Variants in SH3BP4 observed in about 807,000 individuals in gnomAD.
SH3BP4 encodes the protein SH3 domain binding protein 4, also known as SH3 domain-binding protein 4.
A neutral mutation model predicts 65.5 loss-of-function variants in SH3BP4; 33 were observed. The observed-to-expected ratio is 0.50, with a 90% CI of 0.38 to 0.67. The LOEUF is 0.67. SH3BP4 is among the 30% of genes least tolerant of loss of function. The pLI, the probability that SH3BP4 is intolerant of heterozygous loss-of-function variation, is 0.00. For missense variants in SH3BP4, 1,134 were observed against 1,261.4 expected (o/e 0.90, Z 1.53); for synonymous variants, 552 against 545.5 (o/e 1.01, Z -0.17).
At chr2:234,955,703 A>G (rs927272864) in intron 1 of SH3BP4, among the ~76,000 whole-genome samples, 1 of 152,286 alleles carries the variant, frequency 6.6e-6, no homozygotes, top group African/African-American at 2.4e-5. Flanking sequence ...GGATTTGAGG[A>G]AGTAGAATTG....
chr2:234,971,625 C>T (rs13003167), intron 1 of SH3BP4, among the ~76,000 whole-genome samples: 6,643 of 152,222 alleles, frequency 0.044, 191 homozygotes, highest in Middle Eastern at 0.078. Flanking sequence ...ACAAGGGTTC[C>T]GGTTCCTTCA....
intron 1 of SH3BP4, among the ~76,000 whole-genome samples, chr2:234,989,258 C>G (rs1466233826): frequency 5.3e-5 from 8 of 152,214 alleles, no homozygotes; most frequent in African/African-American, 1.2e-4. Flanking sequence ...GATGGCGTCA[C>G]TGTGCTGCCA....
chr2:234,975,031 A>G (rs1693128413), intron 1 of SH3BP4, among the ~76,000 whole-genome samples: 1 of 152,152 alleles, frequency 6.6e-6, no homozygotes, highest in Non-Finnish European at 1.5e-5. Context: ...CTGCCTTGCA[A>G]TTCTCGGAGT....
At position 234,991,581 on chromosome 2, in the gene SH3BP4, C is replaced by T. The variant is rs1693748453; in HGVS notation, c.-206-3722C>T. Among the ~76,000 whole-genome samples the T allele has an allele frequency of 6.6e-6, 1 of 152,206 alleles. No homozygotes were observed. The highest frequency in any genetic ancestry group is 6.5e-5 in the Admixed American group (1 of 15,276). On this transcript the variant is annotated intron_variant, in intron 1 of 5. Coordinates refer to ENST00000392011, the MANE Select transcript of SH3BP4 (RefSeq NM_014521.3). This position sits in a 1 kb window ranked among gnomAD's most constrained non-coding sequence, Gnocchi z 4.2. ...GCTAATTCCATCCACCCACGCTAAA[C>T]CGTGTGGTTTTCTTGGGGCCCCTGA...
In SH3BP4 at chr2:235,041,790, G is replaced by A. The variant is rs370532112; in HGVS notation, c.1021G>A (p.Val341Met). Residue 341 changes from valine to methionine, a missense_variant, in exon 4 of 6, where the codon GTG (valine) becomes ATG (methionine). Physicochemically the swap from Val to Met is conservative, Grantham distance 21 (BLOSUM62 1). Transcript: ENST00000392011. This position sits in a 1 kb window ranked among gnomAD's most constrained non-coding sequence, Gnocchi z 6.0. ...TCCTGACACCAGCATCAGCATCCACGTGCCCGAGGGCCACGTCGCCCCTGG... is the reference window on the plus strand; with the variant it reads ...TCCTGACACCAGCATCAGCATCCACATGCCCGAGGGCCACGTCGCCCCTGG... ...QLPDTSISIH[V>M]PEGHVAPGET... is the part of the protein sequence containing the mutation. 6.9e-6 allele frequency: 11 copies of A among 1,595,086 alleles called. No homozygotes were observed. In the East Asian group the frequency reaches 9.0e-5, roughly 13 times the overall value.
At chr2:235,012,562 AC>A (rs1694545957) in intron 2 of SH3BP4, among the ~76,000 whole-genome samples, 3 of 152,088 alleles carry the variant, frequency 2.0e-5, no homozygotes. Flanking sequence ...CTGCCGGGTG[AC>A]CTGTGTGCCT....
At position 234,952,747 on chromosome 2, in the gene SH3BP4, GGTTT is replaced by G. The variant is rs1692501849; in HGVS notation, c.-207+578_-207+581del. 1 of 152,224 alleles carries G rather than the reference GGTTT, an allele frequency of 6.6e-6. No homozygotes were observed. The highest frequency in any genetic ancestry group is 2.1e-4 in the South Asian group (1 of 4,834). 9.4% of individuals were successfully genotyped at this position (152,224 alleles called of 1,614,324 possible). ...CTGTGAGGATGAAATTGAAAACTCC[GGTTT>G]CTGGCTTGGCGATCGGGTGACCGAG... On this transcript the variant is annotated intron_variant, in intron 1 of 5. Transcript: ENST00000392011. The surrounding 1 kb of genome is among the most constrained non-coding windows in gnomAD (Gnocchi z 6.5).
intron 1 of SH3BP4, among the ~76,000 whole-genome samples, chr2:234,983,886 C>T (rs1693466312): frequency 6.6e-6 from 1 of 152,262 alleles, no homozygotes; most frequent in African/African-American, 2.4e-5. Context: ...GCCCTGTCGT[C>T]AGCCCAGTGG....
chr2:235,029,052 C>T lies in SH3BP4; in HGVS notation c.-132-5819C>T, dbSNP rs113271205. On this transcript the variant is annotated intron_variant, in intron 2 of 5. Transcript: ENST00000392011. ...GTCTGACTGACTTTTCAAAATGTTCCGGCTGCTAATTGAGGGGTGGACTCC... is the reference window on the plus strand; with the variant it reads ...GTCTGACTGACTTTTCAAAATGTTCTGGCTGCTAATTGAGGGGTGGACTCC... Among the ~76,000 whole-genome samples the T allele has an allele frequency of 9.7e-3, 1,473 of 152,270 alleles. 23 individuals are homozygous for T. The highest frequency in any genetic ancestry group is 0.033 in the African/African-American group (1,372 of 41,560).
At chr2:235,027,278 G>T (rs1170394882) in intron 2 of SH3BP4, among the ~76,000 whole-genome samples, 1 of 152,384 alleles carries the variant, frequency 6.6e-6, no homozygotes, top group East Asian at 1.9e-4. Flanking sequence ...GGAGGCTGGG[G>T]TGTTAACCCC....
Position 235,038,377 on chromosome 2 carries a change from AT to A in SH3BP4, c.119-2510del, listed in dbSNP as rs1381108230. ...ATATATATATATATAATATATATAC[AT>A]ATATATATATATATATATATATATA... On this transcript the variant is annotated intron_variant, in intron 3 of 5. Transcript: ENST00000392011. Among the ~76,000 whole-genome samples, 33 of 15,742 alleles carry A rather than the reference AT, an allele frequency of 2.1e-3. 3 individuals carry two copies. Among genetic ancestry groups the A allele is most frequent in the Non-Finnish European group, 3.4e-3 (30 of 8,722 alleles). 10.3% of individuals were successfully genotyped at this position (15,742 alleles called of 152,430 possible).
chr2:235,025,221 T>C (rs1301509479), intron 2 of SH3BP4, among the ~76,000 whole-genome samples: 2 of 152,228 alleles, frequency 1.3e-5, no homozygotes, highest in African/African-American at 4.8e-5. Context: ...GTCTGTGAGC[T>C]CTTCATGATT....
At chr2:234,999,032 C>T (rs1214702928) in intron 2 of SH3BP4, among the ~76,000 whole-genome samples, 1 of 152,186 alleles carries the variant, frequency 6.6e-6, no homozygotes, top group African/African-American at 2.4e-5. Context: ...TCTCTCCAAG[C>T]CTCTGCATTC....
At position 235,033,486 on chromosome 2, in the gene SH3BP4, C is replaced by T; in HGVS notation, c.-132-1385C>T. The stretch of plus-strand genomic sequence containing the variant: ...GGGAAACACAGTTCAGTCCGTAACA[C>T]ATGCCTTCTCTCCAGACAGCGTTCA... On this transcript the variant is annotated intron_variant, in intron 2 of 5. Transcript: ENST00000392011. This position sits in a 1 kb window ranked among gnomAD's most constrained non-coding sequence, Gnocchi z 5.7. 6.6e-6 allele frequency among the ~76,000 whole-genome samples: 1 copy of T among 152,240 alleles called. No individual in the cohort carries two copies. Among genetic ancestry groups the T allele is most frequent in the African/African-American group, 2.4e-5 (1 of 41,456 alleles).
intron 2 of SH3BP4, among the ~76,000 whole-genome samples, chr2:235,004,664 G>C (rs1399621617): frequency 6.6e-6 from 1 of 152,112 alleles, no homozygotes; most frequent in Non-Finnish European, 1.5e-5. Flanking sequence ...TTTCACTGCA[G>C]ACTGTTTCCA....
chr2:235,010,156 C>T (rs1694432217), intron 2 of SH3BP4, among the ~76,000 whole-genome samples: 1 of 152,114 alleles, frequency 6.6e-6, no homozygotes, highest in Admixed American at 6.6e-5. Context: ...GTGCACACGG[C>T]CCCTATGGCT....
At chr2:235,039,382 A>T (rs1275297994) in intron 3 of SH3BP4, among the ~76,000 whole-genome samples, 1 of 152,100 alleles carries the variant, frequency 6.6e-6, no homozygotes, top group African/African-American at 2.4e-5. Flanking sequence ...GGGCAATTTG[A>T]TAGAATACGA....
intron 2 of SH3BP4, among the ~76,000 whole-genome samples, chr2:235,000,843 T>C (rs1694075235): frequency 6.6e-6 from 1 of 152,210 alleles, no homozygotes; most frequent in African/African-American, 2.4e-5. Flanking sequence ...GCAGCCTCTG[T>C]GTGGGTTCTG....
intron 2 of SH3BP4, among the ~76,000 whole-genome samples, chr2:235,022,319 C>G (rs557534926): frequency 2.6e-5 from 4 of 151,944 alleles, no homozygotes; most frequent in Non-Finnish European, 5.9e-5. Flanking sequence ...TTTCGGAGGC[C>G]GAGGCGGGCA....
Sources: gnomAD v4.1 joint callset for allele counts (sites outside exome capture counted in the v4.1 genomes callset) on GRCh38, gnomAD v4.1.1 for gene constraint, Gnocchi (gnomAD v3.1) non-coding constraint, MANE v1.5 for transcripts, NCBI Gene and HGNC (gene_info 2026-07-23, HGNC 2026-07-21) for gene names.